The following CENPF variants were observed in gnomAD, a reference collection of about 807,000 sequenced individuals.
CENPF encodes AH antigen.
CENPF carries 214 observed loss-of-function variants against 307.3 expected under a neutral mutation model. The observed-to-expected ratio is 0.70, with a 90% CI of 0.62 to 0.78. The LOEUF is 0.78. Among genes scored for constraint, CENPF ranks in the 30% least tolerant of loss-of-function variants. The pLI is 0.00. For missense variants in CENPF, 3,401 were observed against 3,483.9 expected, an observed-to-expected ratio of 0.98 and a Z score of 0.60; for synonymous variants, 1,259 against 1,270.6, an observed-to-expected ratio of 0.99 and a Z score of 0.19.
At chr1:214,630,097 G>A (rs1657763976) in intron 8 of CENPF, among the ~76,000 whole-genome samples, 1 of 152,198 alleles carries the variant, frequency 6.6e-6, no homozygotes, top group African/African-American at 2.4e-5. Context: ...TTAATGGGTA[G>A]CATATATTTC....
At chr1:214,631,956 A>C (rs1169599732) in intron 9 of CENPF, among the ~76,000 whole-genome samples, 2 of 152,118 alleles carry the variant, frequency 1.3e-5, no homozygotes, top group East Asian at 3.9e-4. Flanking sequence ...AGGAGTGAAA[A>C]ATACTGTCAT....
chr1:214,631,308 G>T (rs942783712), intron 9 of CENPF, among the ~76,000 whole-genome samples: 2 of 152,110 alleles, frequency 1.3e-5, no homozygotes, highest in Admixed American at 1.3e-4. Context: ...ACTTGAATCT[G>T]CTGCCTCTAC....
At chr1:214,624,693 TAATC>T (rs1267992907) in intron 7 of CENPF, among the ~76,000 whole-genome samples, 1 of 152,218 alleles carries the variant, frequency 6.6e-6, no homozygotes, top group African/African-American at 2.4e-5. Context: ...TCTTTCTAAA[TAATC>T]AGCCCATTGG....
intron 2 of CENPF, 47 bp downstream of exon 2, chr1:214,613,963 A>C: frequency 6.6e-7 from 1 of 1,511,862 alleles, no homozygotes; most frequent in Middle Eastern, 1.8e-4. Context: ...CATTATTGAC[A>C]GAGAAGTGCT....
chr1:214,620,622 T>G (rs1006343310), intron 5 of CENPF, 33 bp from the exon 6 acceptor site: 3 of 1,568,730 alleles, frequency 1.9e-6, no homozygotes, highest in African/African-American at 2.8e-5. Flanking sequence ...TATAAGATCT[T>G]TAAAGGCCTC....
rs906078042 is a variant in CENPF, at chr1:214,659,504, G to T, written c.9141+476G>T. 1.3e-5 allele frequency among the ~76,000 whole-genome samples: 2 copies of T among 150,906 alleles called. No individual in the cohort carries two copies. Among genetic ancestry groups the T allele is most frequent in the African/African-American group, 2.4e-5 (1 of 41,030 alleles). The stretch of plus-strand genomic sequence containing the variant: ...TCTAAGGAAAGGAACTCTGTTTATA[G>T]ATCTCTCTATTTTGATTGTTGAGGA... On this transcript the variant is annotated intron_variant, in intron 19 of 19. Coordinates refer to ENST00000366955, the MANE Select transcript of CENPF (RefSeq NM_016343.4). This position sits in a 1 kb window ranked among gnomAD's most constrained non-coding sequence, Gnocchi z 4.4.
intron 16 of CENPF, 80 bp from the exon 17 acceptor site, chr1:214,655,161 T>C (rs1174775795): frequency 2.3e-6 from 2 of 855,426 alleles, no homozygotes; most frequent in Non-Finnish European, 3.4e-6. Flanking sequence ...AATATATGAA[T>C]CTTATATCTT....
intron 7 of CENPF, 114 bp from the exon 8 acceptor site, chr1:214,628,932 C>T: frequency 1.3e-6 from 1 of 742,326 alleles, no homozygotes; most frequent in Non-Finnish European, 2.1e-6. Context: ...CTAATAGTTC[C>T]TAAACATAAA....
At position 214,640,920 on chromosome 1, in the gene CENPF, G is replaced by A; in HGVS notation, c.2582G>A (p.Gly861Glu). The A allele has an allele frequency of 3.1e-6, 5 of 1,608,480 alleles. No homozygotes were observed. Among genetic ancestry groups the A allele is most frequent in the Non-Finnish European group, 4.2e-6 (5 of 1,178,714 alleles). Residue 861 changes from glycine to glutamate, a missense_variant, in exon 12 of 20, where the codon GGA becomes GAA. Physicochemically the swap from Gly to Glu is moderately conservative, Grantham distance 98. Transcript: ENST00000366955. ...TGTGAAGAGTTGGTGCAAATCAAAG[G>A]AGAAATAGAAGAAAATCTCATGAAA... Reference protein sequence around the residue: ...KQCEELVQIKGEIEENLMKAE... With the variant: ...KQCEELVQIKEEIEENLMKAE...
intron 15 of CENPF, among the ~76,000 whole-genome samples, chr1:214,652,403 TA>T (rs1166588086): frequency 2.6e-5 from 4 of 151,738 alleles, no homozygotes; most frequent in African/African-American, 9.7e-5. Context: ...AAAGTCGAAA[TA>T]GTCCTTGGAA....
chr1:214,618,453 A>T, intron 3 of CENPF, 120 bp from the exon 4 acceptor site: 1 of 1,181,598 alleles, frequency 8.5e-7, no homozygotes, highest in Non-Finnish European at 1.2e-6. Context: ...TGAAATGGTT[A>T]AGAATTCTTA....
Position 214,613,787 on chromosome 1 carries a change from G to A in CENPF, c.33G>A (p.Gly11=), listed in dbSNP as rs2070064. The change falls in exon 2 of 20, where the codon GGG becomes GGA. Residue 11 remains glycine, a synonymous_variant. Transcript: ENST00000366955. MSWALEEWKE[G]LPTRALQKIQ... ...GGGCTTTGGAAGAATGGAAAGAAGG[G>A]CTGCCTACAAGAGCTCTTCAGAAAA... is the stretch of plus-strand genomic sequence containing the variant. 0.47 allele frequency: 753,940 copies of A among 1,607,980 alleles called. 189,616 individuals carry two copies. Among genetic ancestry groups the A allele is most frequent in the Non-Finnish European group, 0.53 (620,324 of 1,177,476 alleles).
At position 214,659,946 on chromosome 1, in the gene CENPF, G is replaced by A. The variant is rs552314749; in HGVS notation, c.9141+918G>A. Among the ~76,000 whole-genome samples the A allele has an allele frequency of 1.3e-5, 2 of 152,242 alleles. No homozygotes were observed. Among genetic ancestry groups the A allele is most frequent in the South Asian group, 2.1e-4 (1 of 4,820 alleles). On this transcript the variant is annotated intron_variant, in intron 19 of 19. Coordinates refer to ENST00000366955, the MANE Select transcript of CENPF (RefSeq NM_016343.4). This position sits in a 1 kb window ranked among gnomAD's most constrained non-coding sequence, Gnocchi z 4.4. ...CTTGTCAGAGTTTGATCAAGTATGC[G>A]AGCTGATAACCTTGAACCAGAAAAC...
Position 214,644,815 on chromosome 1 carries a change from T to C in CENPF, c.5245T>C (p.Leu1749=). 6.2e-7 allele frequency: 1 copy of C among 1,614,048 alleles called. No homozygotes were observed. The highest frequency in any genetic ancestry group is 1.3e-5 in the African/African-American group (1 of 75,036). The part of the protein sequence containing the change: ...TQGSSECISE[L]SFSGPNALVP... The stretch of plus-strand genomic sequence containing the variant: ...GGGCTCTTCAGAATGCATTTCTGAA[T>C]TGTCATTTTCTGGTCCTAATGCTTT... Residue 1749 remains leucine, a synonymous_variant, in exon 13 of 20, where the codon TTG becomes CTG. Transcript: ENST00000366955.
rs1334388455 is a variant in CENPF at position 214,651,546 on chromosome 1, A to G, written c.7984-164A>G. The stretch of plus-strand genomic sequence containing the variant: ...AAGTGTTATTGGAGGTGAAGTCACA[A>G]TTAAAAGTGAATACATTGCTAAGGA... On this transcript the variant is annotated intron_variant, in intron 14 of 19. Coordinates refer to ENST00000366955, the MANE Select transcript of CENPF (RefSeq NM_016343.4). Among the ~76,000 whole-genome samples the G allele has an allele frequency of 2.6e-5, 4 of 152,236 alleles. 1 individual carries two copies. The highest frequency in any genetic ancestry group is 2.6e-4 in the Admixed American group (4 of 15,284).
At position 214,646,031 on chromosome 1, in the gene CENPF, A is replaced by T; in HGVS notation, c.6461A>T (p.Asp2154Val). 6.2e-7 allele frequency: 1 copy of T among 1,614,090 alleles called. No homozygotes were observed. The highest frequency in any genetic ancestry group is 8.5e-7 in the Non-Finnish European group (1 of 1,180,030). The change falls in exon 13 of 20, where the codon GAT becomes GTT. Residue 2154 changes from aspartate to valine, a missense_variant. By Grantham distance (152) the Asp-to-Val change is radical. Transcript: ENST00000366955. The stretch of plus-strand genomic sequence containing the variant: ...GAGCGGGAGAATGATTCACTTAAGG[A>T]TAAAGTTGAGAACCTTGAAAGGGAA... ...ERERENDSLK[D>V]KVENLERELQ...
In CENPF at chr1:214,640,040, G is replaced by A; in HGVS notation, c.1702G>A (p.Asp568Asn). 1 of 1,603,346 alleles carries A rather than the reference G, an allele frequency of 6.2e-7. No individual in the cohort carries two copies. ...TGTGGCTGATCTGGAAAAGCAGCGA[G>A]ATTGTTCTCAAGACCTTTTGAAGAA... ...LAVADLEKQRDCSQDLLKKRE... is the reference protein window; with the variant it reads ...LAVADLEKQRNCSQDLLKKRE... Residue 568 changes from aspartate to asparagine, a missense_variant, in exon 12 of 20, where the codon GAT becomes AAT. Asp to Asn is a conservative substitution (Grantham distance 23). Coordinates refer to ENST00000366955, the MANE Select transcript of CENPF (RefSeq NM_016343.4).
rs1571720061 is a variant in CENPF, at chr1:214,646,251, A to G, written c.6681A>G (p.Ser2227=). 3 of 1,613,964 alleles carry G rather than the reference A, an allele frequency of 1.9e-6. No homozygotes were observed. Among genetic ancestry groups the G allele is most frequent in the African/African-American group, 2.7e-5 (2 of 74,918 alleles). Residue 2227 remains serine, a synonymous_variant, in exon 13 of 20, where the codon TCA becomes TCG. Transcript: ENST00000366955. ...KQIQEKQGQL[S]ELDKLLSSFK... ...TACAAGAAAAACAAGGTCAGTTGTC[A>G]GAACTAGACAAGTTACTCTCTTCAT...
Position 214,663,850 on chromosome 1 carries a change from T to G in CENPF, c.*56T>G. On this transcript the variant is annotated 3_prime_UTR_variant, in exon 20 of 20. Transcript: ENST00000366955. Reference sequence around the variant, plus strand: ...GTGCCAGTCATTGAATAGATAAGGCTGTGCCTACAGGACTTCTCTTTAGTC... The same window carrying G: ...GTGCCAGTCATTGAATAGATAAGGCGGTGCCTACAGGACTTCTCTTTAGTC... The G allele has an allele frequency of 7.7e-6, 11 of 1,431,184 alleles. No homozygotes were observed. Among genetic ancestry groups the G allele is most frequent in the Non-Finnish European group, 1.1e-5 (11 of 1,031,472 alleles). The allele number at this position is 1,431,184 out of a possible 1,614,324, so 88.7% of individuals were successfully genotyped here.
Sources: allele counts gnomAD v4.1 joint callset (sites outside exome capture counted in the v4.1 genomes callset), GRCh38; gene constraint gnomAD v4.1.1; non-coding constraint Gnocchi (gnomAD v3.1); transcripts MANE v1.5; gene names NCBI Gene and HGNC (gene_info 2026-07-23, HGNC 2026-07-21).